The following RAB12 variants were observed in gnomAD, a reference collection of about 807,000 sequenced individuals.
RAB12 encodes ras-related protein Rab-12.
Under a neutral mutation model 28.4 loss-of-function variants are expected in RAB12, and 11 were observed. The observed-to-expected ratio is 0.39, with a 90% CI of 0.24 to 0.64. The LOEUF (loss-of-function observed/expected upper bound fraction) is 0.64. RAB12 is among the 30% of genes least tolerant of loss of function. The pLI is 0.50. For synonymous variants in RAB12, 138 were observed against 145.3 expected (o/e 0.95, Z 0.36); for missense variants, 276 against 351.1 (o/e 0.79, Z 1.71).
intron 1 of RAB12, among the ~76,000 whole-genome samples, chr18:8,611,354 A>G (rs1301077807): frequency 1.3e-5 from 2 of 152,220 alleles, no homozygotes; most frequent in African/African-American, 2.4e-5. Flanking sequence ...ACTTCAGTAT[A>G]TAAAAATGAG....
intron 2 of RAB12, chr18:8,632,929 A>G (rs956727046): frequency 1.2e-5 from 5 of 432,786 alleles, no homozygotes; most frequent in African/African-American, 4.1e-5. Context: ...TCAGGAGAGT[A>G]TGTTGATCTT....
chr18:8,614,508 AAAAAAAAAAAG>A (rs897624669), intron 1 of RAB12, among the ~76,000 whole-genome samples: 1 of 142,200 alleles, frequency 7.0e-6, no homozygotes, highest in Non-Finnish European at 1.6e-5. Flanking sequence ...AGAACATTAA[AAAAAAAAAAAG>A]AAAAAAAAAA....
intron 5 of RAB12, among the ~76,000 whole-genome samples, chr18:8,636,898 T>C (rs1291243183): frequency 6.6e-6 from 1 of 152,206 alleles, no homozygotes; most frequent in Non-Finnish European, 1.5e-5. Context: ...CAAAAATTGT[T>C]AATAAGAACT....
Position 8,638,131 on chromosome 18 carries a change from TG to T in RAB12, c.910-17del. ...TGTAAAGTTAAAACGGATTTTTTTT[TG>T]TTTGTTTATACGTTAGATGCCTCTG... On this transcript the variant is annotated splice_polypyrimidine_tract_variant and intron_variant, in intron 5 of 5. Transcript: ENST00000649141. 1 of 1,558,708 alleles carries T rather than the reference TG, an allele frequency of 6.4e-7. No homozygotes were observed. Among genetic ancestry groups the T allele is most frequent in the East Asian group, 2.2e-5 (1 of 44,620 alleles).
intron 3 of RAB12, among the ~76,000 whole-genome samples, chr18:8,634,686 CG>C (rs2148711803): frequency 1.3e-5 from 2 of 152,062 alleles, no homozygotes; most frequent in South Asian, 2.1e-4. Flanking sequence ...TTCCTGAGTG[CG>C]GGGCCCATTG....
intron 1 of RAB12, among the ~76,000 whole-genome samples, chr18:8,622,493 A>T (rs1346784143): frequency 6.6e-6 from 1 of 152,216 alleles, no homozygotes; most frequent in Non-Finnish European, 1.5e-5. Context: ...AGTTTTTATT[A>T]GGGATTTTCA....
intron 1 of RAB12, among the ~76,000 whole-genome samples, chr18:8,614,560 C>T (rs1035544936): frequency 1.3e-5 from 2 of 149,208 alleles, no homozygotes; most frequent in Admixed American, 6.7e-5. Context: ...GATAAGATAC[C>T]ACAGTTTAAA....
rs915262903 is a variant in RAB12, at chr18:8,638,714, C to T, written c.*452C>T. 1 of 154,544 alleles carries T rather than the reference C, an allele frequency of 6.5e-6. No homozygotes were observed. Among genetic ancestry groups the T allele is most frequent in the Non-Finnish European group, 1.4e-5 (1 of 69,358 alleles). The allele number at this position is 154,544 out of a possible 1,614,324, so 9.6% of individuals were successfully genotyped here. A position where few individuals can be genotyped will look rare whatever the true frequency, so the allele number is the denominator to read the frequency against. Reference sequence around the variant, plus strand: ...ATCTTAAGTGCTTTTTCTTTATTTACAAGACATTTCCCCCAGTGGTAGCAT... The same window carrying T: ...ATCTTAAGTGCTTTTTCTTTATTTATAAGACATTTCCCCCAGTGGTAGCAT... On this transcript the variant is annotated 3_prime_UTR_variant, in exon 6 of 6. Coordinates refer to ENST00000649141, the MANE Select transcript of RAB12 (RefSeq NM_001025300.3).
chr18:8,619,867 C>T (rs373733684), intron 1 of RAB12, among the ~76,000 whole-genome samples: 1 of 152,000 alleles, frequency 6.6e-6, no homozygotes, highest in South Asian at 2.1e-4. Flanking sequence ...AATAAGACAC[C>T]GGCACAGTTG....
At position 8,639,162 on chromosome 18, in the gene RAB12, T is replaced by C. The variant is rs1417350707; in HGVS notation, c.*900T>C. 2 of 113,378 alleles carry C rather than the reference T, an allele frequency of 1.8e-5. No individual in the cohort carries two copies. Among genetic ancestry groups the C allele is most frequent in the African/African-American group, 7.1e-5 (2 of 28,350 alleles). The allele number at this position is 113,378 out of a possible 1,614,324, so 7.0% of individuals were successfully genotyped here. ...AGACTGTGTTCTTTTTTTTTTTTTT[T>C]TTTTTTTTTTTTTTTTTTTTTTTTT... On this transcript the variant is annotated 3_prime_UTR_variant, in exon 6 of 6. Coordinates refer to ENST00000649141, the MANE Select transcript of RAB12 (RefSeq NM_001025300.3).
intron 1 of RAB12, among the ~76,000 whole-genome samples, chr18:8,612,371 C>G (rs1044471803): frequency 5.3e-5 from 8 of 152,010 alleles, no homozygotes; most frequent in Non-Finnish European, 1.0e-4. Flanking sequence ...GGTTGCCTTA[C>G]CTGAACGCTT....
intron 1 of RAB12, 26 bp from the exon 2 acceptor site, chr18:8,624,912 T>C: frequency 7.0e-7 from 1 of 1,423,292 alleles, no homozygotes; most frequent in Non-Finnish European, 9.9e-7. Flanking sequence ...TTGTTTTTGC[T>C]TCACATTTAT....
chr18:8,609,980 C>A, intron 1 of RAB12, 27 bp downstream of exon 1: 2 of 1,580,002 alleles, frequency 1.3e-6, no homozygotes, highest in Non-Finnish European at 1.7e-6. Context: ...GACCCTGGGC[C>A]GGGCCTCCTG....
At chr18:8,638,048 G>GTA in intron 5 of RAB12, 101 bp from the exon 6 acceptor site, 1 of 702,258 alleles carries the variant, frequency 1.4e-6, no homozygotes, top group Non-Finnish European at 2.5e-6. Flanking sequence ...AAGCAGCTGT[G>GTA]TATAAGTGGA....
At chr18:8,622,926 G>T (rs1455738540) in intron 1 of RAB12, among the ~76,000 whole-genome samples, 2 of 152,204 alleles carry the variant, frequency 1.3e-5, no homozygotes, top group African/African-American at 4.8e-5. Flanking sequence ...TTTGAAAGAG[G>T]AGAAATATGG....
rs1316526891 is a variant in RAB12, at chr18:8,636,352, A to C, written c.904A>C (p.Lys302Gln). Residue 302 changes from lysine (K) to glutamine (Q), a missense_variant, in exon 5 of 6, where the codon AAA (lysine) becomes CAA (glutamine). Physicochemically the swap from Lys to Gln is moderately conservative, Grantham distance 53. Around this residue, in one of 4 missense-constraint regions of RAB12, gnomAD observed 127 missense variants for 161.4 expected, o/e 0.79. Coordinates refer to ENST00000649141, the MANE Select transcript of RAB12 (RefSeq NM_001025300.3). ...IFLKLVDDIL[K>Q]KMPLDILRNE... ...TTTGAAACTTGTCGATGACATTCTG[A>C]AAAAGGTAAAAAAAAGAATCTACAT... The C allele has an allele frequency of 6.4e-7, 1 of 1,556,442 alleles. No homozygotes were observed. Among genetic ancestry groups the C allele is most frequent in the African/African-American group, 1.4e-5 (1 of 73,102 alleles).
At chr18:8,622,324 C>T (rs145722606) in intron 1 of RAB12, among the ~76,000 whole-genome samples, 8 of 152,264 alleles carry the variant, frequency 5.3e-5, no homozygotes, top group South Asian at 2.1e-4. Flanking sequence ...GAACCTGCCC[C>T]GTTAGTCACG....
intron 2 of RAB12, among the ~76,000 whole-genome samples, chr18:8,629,875 GC>G (rs1230440158): frequency 1.3e-5 from 2 of 152,142 alleles, no homozygotes; most frequent in Admixed American, 1.3e-4. Flanking sequence ...AGAGCCTGTT[GC>G]CCCCCAGCTT....
rs546294633 is a variant in RAB12 at position 8,638,812 on chromosome 18, G to A, written c.*550G>A. On this transcript the variant is annotated 3_prime_UTR_variant, in exon 6 of 6. Coordinates refer to ENST00000649141, the MANE Select transcript of RAB12 (RefSeq NM_001025300.3). ...CCGTCATGGAAGGTTATTTATTAAT[G>A]TTACATAATGGTAGAATATTACTAG... 1 of 153,110 alleles carries A rather than the reference G, an allele frequency of 6.5e-6. No individual in the cohort carries two copies. Among genetic ancestry groups the A allele is most frequent in the African/African-American group, 2.4e-5 (1 of 41,540 alleles). 9.5% of individuals were successfully genotyped at this position (153,110 alleles called of 1,614,324 possible).
Sources: gnomAD v4.1 joint callset for allele counts (sites outside exome capture counted in the v4.1 genomes callset) on GRCh38, gnomAD v4.1.1 for gene constraint, gnomAD v4.1.1 regional missense constraint, MANE v1.5 for transcripts, NCBI Gene and HGNC (gene_info 2026-07-23, HGNC 2026-07-21) for gene names.